The following ABHD16A variants were observed in gnomAD, a reference collection of about 807,000 sequenced individuals.
ABHD16A encodes the protein abhydrolase domain containing 16A, phospholipase.
Under a neutral mutation model 89.8 loss-of-function variants are expected in ABHD16A, and 47 were observed. The ratio of observed to expected loss-of-function variants is 0.52; its 90% confidence interval spans 0.41 to 0.67. The LOEUF is 0.67. Among genes scored for constraint, ABHD16A ranks in the 30% least tolerant of loss-of-function variants. The pLI, the probability that ABHD16A is intolerant of heterozygous loss-of-function variation, is 0.00. For synonymous variants in ABHD16A, 251 were observed against 280.4 expected, an observed-to-expected ratio of 0.90 and a Z score of 1.05; for missense variants, 580 against 734.6, an observed-to-expected ratio of 0.79 and a Z score of 2.43.
Position 31,688,888 on chromosome 6 carries a change from A to G in ABHD16A, c.1187-102T>C, listed in dbSNP as rs891287001. 5 of 1,437,566 alleles carry G rather than the reference A, an allele frequency of 3.5e-6. No individual in the cohort carries two copies. The highest frequency in any genetic ancestry group is 4.8e-6 in the Non-Finnish European group (5 of 1,041,952). The allele number at this position is 1,437,566 out of a possible 1,614,324, so 89.1% of individuals were successfully genotyped here. A position where few individuals can be genotyped will look rare whatever the true frequency, so the allele number is the denominator to read the frequency against. ...AAAGAAAACTGAGGCCCCCAGACAAAGGAGTCCTCCTGCTTCCAACAATGG... is the reference window on the plus strand; with the variant it reads ...AAAGAAAACTGAGGCCCCCAGACAAGGGAGTCCTCCTGCTTCCAACAATGG... On this transcript the variant is annotated intron_variant, in intron 13 of 19. Coordinates refer to ENST00000395952, the MANE Select transcript of ABHD16A (RefSeq NM_021160.3). This position sits in a 1 kb window ranked among gnomAD's most constrained non-coding sequence, Gnocchi z 4.9.
chr6:31,702,619 C>T (rs763148848), intron 1 of ABHD16A: 23 of 1,487,980 alleles, frequency 1.5e-5, no homozygotes, highest in Non-Finnish European at 2.1e-5. Flanking sequence ...TACCACCACC[C>T]GCCAGCTCTC....
Position 31,696,990 on chromosome 6 carries a change from G to A in ABHD16A, c.387C>T (p.Thr129=). The part of the protein sequence containing the change: ...WTNPQYRQFI[T]ILEATHRNQS... ...GGTTCCGATGTGTTGCTTCCAAGAT[G>A]GTGATGAACTGCCGGTACTGGGGGT... is the stretch of plus-strand genomic sequence containing the variant. The change falls in exon 5 of 20, where the codon ACC becomes ACT. Residue 129 remains threonine (T), a synonymous_variant. Coordinates refer to ENST00000395952, the MANE Select transcript of ABHD16A (RefSeq NM_021160.3). 1.2e-6 allele frequency: 2 copies of A among 1,613,080 alleles called. No homozygotes were observed. Among genetic ancestry groups the A allele is most frequent in the Non-Finnish European group, 1.7e-6 (2 of 1,180,020 alleles).
Position 31,693,223 on chromosome 6 carries a change from T to C in ABHD16A, c.504-74A>G, listed in dbSNP as rs372591607. The C allele has an allele frequency of 8.8e-6, 14 of 1,589,710 alleles. No individual in the cohort carries two copies. The African/African-American group carries it at 1.7e-4, about 20-fold the overall frequency. On this transcript the variant is annotated intron_variant, in intron 6 of 19. Coordinates refer to ENST00000395952, the MANE Select transcript of ABHD16A (RefSeq NM_021160.3). The surrounding 1 kb of genome is among the most constrained non-coding windows in gnomAD (Gnocchi z 5.0). ...TGGATGTCTGAGGTCTGGAGAACAG[T>C]GGGGTCTAGGAACGACATAATGGCA...
chr6:31,699,322 T>TG (rs1484983024), intron 4 of ABHD16A, among the ~76,000 whole-genome samples: 9 of 141,332 alleles, frequency 6.4e-5, no homozygotes, highest in African/African-American at 2.4e-4. Context: ...AGCAGGAGAA[T>TG]GGCGTGAACC....
rs1439992135 is a variant in ABHD16A, at chr6:31,703,236, T to C, written c.46A>G (p.Ile16Val). 1.4e-6 allele frequency: 2 copies of C among 1,435,808 alleles called. No individual in the cohort carries two copies. The highest frequency in any genetic ancestry group is 1.8e-6 in the Non-Finnish European group (2 of 1,083,982). 88.9% of individuals were successfully genotyped at this position (1,435,808 alleles called of 1,614,324 possible). A position where few individuals can be genotyped will look rare whatever the true frequency, so the allele number is the denominator to read the frequency against. ...CTTTCAGAGTCCCTCTCCCGGTAGA[T>C]TTTGTAGAGCCGGGGGCCTAGGACG... The part of the protein sequence containing the change: ...SCVLGPRLYK[I>V]YRERDSERAP... Residue 16 changes from isoleucine to valine, a missense_variant, in exon 1 of 20, where the codon ATC (isoleucine) becomes GTC (valine). Ile to Val is a conservative substitution (Grantham distance 29). Around this residue, in one of 2 missense-constraint regions of ABHD16A, gnomAD observed 165 missense variants for 165.8 expected, o/e 1.00. Coordinates refer to ENST00000395952, the MANE Select transcript of ABHD16A (RefSeq NM_021160.3).
intron 5 of ABHD16A, among the ~76,000 whole-genome samples, chr6:31,696,666 T>C (rs1025494593): frequency 6.6e-6 from 1 of 151,322 alleles, no homozygotes; most frequent in African/African-American, 2.4e-5. Context: ...AAAAGAAACA[T>C]TGTGGAATGT....
At position 31,690,248 on chromosome 6, in the gene ABHD16A, G is replaced by T; in HGVS notation, c.908-121C>A. On this transcript the variant is annotated intron_variant, in intron 10 of 19. Coordinates refer to ENST00000395952, the MANE Select transcript of ABHD16A (RefSeq NM_021160.3). The surrounding 1 kb of genome is among the most constrained non-coding windows in gnomAD (Gnocchi z 4.1). ...ATGCAAATAACTCCAAGCCTTCCCA[G>T]AAATAGGAGATGACACCAGAGGTTC... 1 of 958,838 alleles carries T rather than the reference G, an allele frequency of 1.0e-6. No homozygotes were observed. The highest frequency in any genetic ancestry group is 1.5e-6 in the Non-Finnish European group (1 of 650,608). The allele number at this position is 958,838 out of a possible 1,614,324, so 59.4% of individuals were successfully genotyped here. A position where few individuals can be genotyped will look rare whatever the true frequency, so the allele number is the denominator to read the frequency against.
Position 31,687,338 on chromosome 6 carries a change from G to T in ABHD16A, c.1594-43C>A, listed in dbSNP as rs1714949954. 6.2e-7 allele frequency: 1 copy of T among 1,605,118 alleles called. No homozygotes were observed. The highest frequency in any genetic ancestry group is 1.3e-5 in the African/African-American group (1 of 74,754). ...GACAGGTGGGGTACAGAGCACTGTT[G>T]GGAGGGGCAGCCACTGGACTCCCTC... is the stretch of plus-strand genomic sequence containing the variant. On this transcript the variant is annotated intron_variant, in intron 19 of 19. Coordinates refer to ENST00000395952, the MANE Select transcript of ABHD16A (RefSeq NM_021160.3). The surrounding 1 kb of genome is among the most constrained non-coding windows in gnomAD (Gnocchi z 6.3).
chr6:31,691,319 G>C, intron 9 of ABHD16A: 1 of 464,972 alleles, frequency 2.2e-6, no homozygotes, highest in East Asian at 3.2e-5. Context: ...ATATATATGA[G>C]AATTAAATAT....
intron 4 of ABHD16A, among the ~76,000 whole-genome samples, chr6:31,697,359 CTATCA>C (rs985274053): frequency 3.9e-5 from 6 of 152,312 alleles, no homozygotes; most frequent in Admixed American, 3.3e-4. Flanking sequence ...CTATTAAACA[CTATCA>C]TATAATACTA....
intron 12 of ABHD16A, 67 bp downstream of exon 12, chr6:31,689,514 C>T (rs892705840): frequency 6.8e-7 from 1 of 1,465,310 alleles, no homozygotes; most frequent in Non-Finnish European, 9.0e-7. Context: ...CATTTCCCCA[C>T]CTCTCCCGGG....
chr6:31,702,685 C>T (rs1205063401), intron 1 of ABHD16A: 1 of 1,545,166 alleles, frequency 6.5e-7, no homozygotes, highest in Non-Finnish European at 8.7e-7. Flanking sequence ...GAGGGGAGGA[C>T]CGACGGATAC....
intron 5 of ABHD16A, among the ~76,000 whole-genome samples, chr6:31,696,335 G>GA (rs565099419): frequency 1.0e-3 from 126 of 122,856 alleles, no homozygotes; most frequent in Admixed American, 1.3e-3. Context: ...TCTCAAAGAA[G>GA]AAAAAAAAAA....
rs1342700154 is a variant in ABHD16A, at chr6:31,691,833, G to T, written c.712C>A (p.Leu238Met). 1.2e-6 allele frequency: 2 copies of T among 1,611,114 alleles called. No individual in the cohort carries two copies. The highest frequency in any genetic ancestry group is 2.2e-5 in the South Asian group (2 of 90,908). ...TCCACCAGTCGGGCCTGGCCCTGCA[G>T]CAGCACAGGCATGAGGGCCTTCTGC... is the stretch of plus-strand genomic sequence containing the variant. The part of the protein sequence containing the change: ...LLQKALMPVL[L>M]QGQARLVEEC... Residue 238 changes from leucine (L) to methionine (M), a missense_variant, in exon 8 of 20, where the codon CTG becomes ATG. Physicochemically the swap from Leu to Met is conservative, Grantham distance 15 (BLOSUM62 2). Around this residue, in one of 2 missense-constraint regions of ABHD16A, gnomAD observed 415 missense variants for 568.8 expected, o/e 0.73. Transcript: ENST00000395952.
intron 5 of ABHD16A, among the ~76,000 whole-genome samples, chr6:31,694,382 T>C (rs1214405365): frequency 1.5e-5 from 2 of 131,134 alleles, no homozygotes; most frequent in Non-Finnish European, 3.1e-5. Flanking sequence ...CAGTGGGAGC[T>C]GTGTCTTTTT....
chr6:31,694,532 G>A (rs897726901), intron 5 of ABHD16A, among the ~76,000 whole-genome samples: 4 of 151,938 alleles, frequency 2.6e-5, no homozygotes, highest in African/African-American at 7.3e-5. Flanking sequence ...TGGGACTACA[G>A]GTGCCTGCCA....
rs575689143 is a variant in ABHD16A, at chr6:31,690,757, G to T, written c.844-155C>A. ...GGGAATGGAAGCTTCTCATTCCACA[G>T]GGTCCATAAGAGGAGAAGCAAAGGG... On this transcript the variant is annotated intron_variant, in intron 9 of 19. Coordinates refer to ENST00000395952, the MANE Select transcript of ABHD16A (RefSeq NM_021160.3). This position sits in a 1 kb window ranked among gnomAD's most constrained non-coding sequence, Gnocchi z 4.1. Among the ~76,000 whole-genome samples the T allele has an allele frequency of 2.6e-4, 39 of 152,328 alleles. No homozygotes were observed. The highest frequency in any genetic ancestry group is 2.2e-3 in the Admixed American group (34 of 15,306).
In ABHD16A at chr6:31,696,989, T is replaced by C; in HGVS notation, c.388A>G (p.Ile130Val). The C allele has an allele frequency of 1.9e-6, 3 of 1,613,030 alleles. No homozygotes were observed. Among genetic ancestry groups the C allele is most frequent in the Non-Finnish European group, 2.5e-6 (3 of 1,180,016 alleles). ...TGGTTCCGATGTGTTGCTTCCAAGA[T>C]GGTGATGAACTGCCGGTACTGGGGG... ...TNPQYRQFITILEATHRNQSS... is the reference protein window; with the variant it reads ...TNPQYRQFITVLEATHRNQSS... The change falls in exon 5 of 20, where the codon ATC (isoleucine) becomes GTC (valine). Residue 130 changes from isoleucine to valine, a missense_variant. By Grantham distance (29) the Ile-to-Val change is conservative. This residue lies in a region of ABHD16A where 415 missense variants were observed against 568.8 expected (regional missense o/e 0.73). Coordinates refer to ENST00000395952, the MANE Select transcript of ABHD16A (RefSeq NM_021160.3).
At chr6:31,689,475 C>T in intron 12 of ABHD16A, 106 bp downstream of exon 12, 1 of 1,390,674 alleles carries the variant, frequency 7.2e-7, no homozygotes, top group Non-Finnish European at 9.5e-7. Context: ...TACTTCCTCT[C>T]TCTTCTTCCT....
Sources: allele counts gnomAD v4.1 joint callset (sites outside exome capture counted in the v4.1 genomes callset), GRCh38; gene constraint gnomAD v4.1.1; regional missense constraint gnomAD v4.1.1; non-coding constraint Gnocchi (gnomAD v3.1); transcripts MANE v1.5; gene names NCBI Gene and HGNC (gene_info 2026-07-23, HGNC 2026-07-21).